Variants in ABRAXAS2 observed in about 807,000 individuals in gnomAD.
The protein encoded by ABRAXAS2 is abraxas 2, BRISC complex subunit, also known as BRISC complex subunit Abraxas 2.
In ABRAXAS2, 23 loss-of-function variants were observed where a neutral mutation model predicts 49.0. That is an observed-to-expected ratio of 0.47 (90% confidence interval 0.34 to 0.66). ABRAXAS2 has a LOEUF of 0.66. Ranked by LOEUF, ABRAXAS2 falls within the 30% of genes least tolerant of loss-of-function variation. The pLI, the probability that ABRAXAS2 is intolerant of heterozygous loss-of-function variation, is 0.01. For missense variants in ABRAXAS2, 443 were observed against 511.9 expected (o/e 0.87, Z 1.30); for synonymous variants, 168 against 180.2 (o/e 0.93, Z 0.54).
At chr10:124,829,499 T>C in intron 7 of ABRAXAS2, 22 bp downstream of exon 7, 1 of 1,479,750 alleles carries the variant, frequency 6.8e-7, no homozygotes, top group South Asian at 1.2e-5. Flanking sequence ...ATTTATTAGT[T>C]TTCATCTTAT....
At chr10:124,816,497 A>AC (rs1950826083) in intron 2 of ABRAXAS2, 79 bp from the exon 3 acceptor site, 1 of 1,069,352 alleles carries the variant, frequency 9.4e-7, no homozygotes, top group East Asian at 2.4e-5. Context: ...TTTGATTAAA[A>AC]AAAAAAGTCC....
chr10:124,806,321 A>G (rs1158320604), intron 1 of ABRAXAS2, among the ~76,000 whole-genome samples: 1 of 152,052 alleles, frequency 6.6e-6, no homozygotes, highest in Non-Finnish European at 1.5e-5. Flanking sequence ...AAAAAGAAAA[A>G]AAAAAAGACA....
chr10:124,830,266 G>A (rs535774347), intron 7 of ABRAXAS2, among the ~76,000 whole-genome samples: 1 of 152,236 alleles, frequency 6.6e-6, no homozygotes, highest in Non-Finnish European at 1.5e-5. Flanking sequence ...GCAACATAAT[G>A]AGACCCTATT....
At chr10:124,807,657 A>G (rs1950755768) in intron 2 of ABRAXAS2, among the ~76,000 whole-genome samples, 1 of 152,212 alleles carries the variant, frequency 6.6e-6, no homozygotes, top group African/African-American at 2.4e-5. Flanking sequence ...CTAATAAATG[A>G]TATGAAATGT....
chr10:124,813,889 C>T (rs1382035395), intron 2 of ABRAXAS2, among the ~76,000 whole-genome samples: 1 of 152,190 alleles, frequency 6.6e-6, no homozygotes, highest in Non-Finnish European at 1.5e-5. Context: ...ATGAGTTTTT[C>T]TTTTCCCTGA....
In ABRAXAS2 at chr10:124,819,399, A is replaced by G. The variant is rs1402926373; in HGVS notation, c.216A>G (p.Ala72=). 6.2e-7 allele frequency: 1 copy of G among 1,614,044 alleles called. No individual in the cohort carries two copies. The highest frequency in any genetic ancestry group is 8.5e-7 in the Non-Finnish European group (1 of 1,179,962). ...CSKLFSFYDY[A]SKVNEESLDR... is the part of the protein sequence containing the mutation. ...TCTTAAACAGTTTTTATGACTACGCAAGCAAAGTGAATGAGGAGAGTTTGG... is the reference window on the plus strand; with the variant it reads ...TCTTAAACAGTTTTTATGACTACGCGAGCAAAGTGAATGAGGAGAGTTTGG... The change falls in exon 4 of 9, where the codon GCA becomes GCG. Residue 72 remains alanine, a synonymous_variant. Transcript: ENST00000298492.
In ABRAXAS2 at chr10:124,811,452, G is replaced by T. The variant is rs993490546; in HGVS notation, c.163+4531G>T. 2.6e-5 allele frequency among the ~76,000 whole-genome samples: 4 copies of T among 151,994 alleles called. No homozygotes were observed. The East Asian group carries it at 5.9e-4, about 22-fold the overall frequency. Reference sequence around the variant, plus strand: ...TTTATTTTTAAAGAAATAGGGCCGGGCACGGTGGCTTAAGCCTGTAATCCC... The same window carrying T: ...TTTATTTTTAAAGAAATAGGGCCGGTCACGGTGGCTTAAGCCTGTAATCCC... On this transcript the variant is annotated intron_variant, in intron 2 of 8. Coordinates refer to ENST00000298492, the MANE Select transcript of ABRAXAS2 (RefSeq NM_032182.4).
At chr10:124,825,989 G>GT (rs1950893854) in intron 4 of ABRAXAS2, among the ~76,000 whole-genome samples, 2 of 152,164 alleles carry the variant, frequency 1.3e-5, no homozygotes, top group Admixed American at 6.6e-5. Flanking sequence ...ATTATGAGAA[G>GT]TATTCTTCCA....
At chr10:124,825,714 A>G (rs1950892259) in intron 4 of ABRAXAS2, among the ~76,000 whole-genome samples, 1 of 152,234 alleles carries the variant, frequency 6.6e-6, no homozygotes, top group African/African-American at 2.4e-5. Context: ...GTTGGTTTCA[A>G]AGAAGGAAGC....
chr10:124,824,534 C>CAAAAAAAAA (rs531680713), intron 4 of ABRAXAS2, among the ~76,000 whole-genome samples: 4 of 78,180 alleles, frequency 5.1e-5, no homozygotes, highest in African/African-American at 3.9e-5. Context: ...TCTCAAAAAC[C>CAAAAAAAAA]AAAAAAAAAA....
At chr10:124,804,703 T>G (rs890045219) in intron 1 of ABRAXAS2, among the ~76,000 whole-genome samples, 2 of 139,650 alleles carry the variant, frequency 1.4e-5, no homozygotes, top group African/African-American at 2.6e-5. Flanking sequence ...ATATATATAT[T>G]TCTTTTTTTC....
At chr10:124,828,088 G>A (rs1375376704) in intron 5 of ABRAXAS2, among the ~76,000 whole-genome samples, 1 of 152,206 alleles carries the variant, frequency 6.6e-6, no homozygotes, top group African/African-American at 2.4e-5. Flanking sequence ...TCTGTAGAAG[G>A]AGGTGCTCCG....
intron 4 of ABRAXAS2, among the ~76,000 whole-genome samples, chr10:124,820,935 T>TG (rs1052242735): frequency 1.7e-4 from 26 of 152,084 alleles, no homozygotes; most frequent in East Asian, 1.4e-3. Flanking sequence ...TATTTTGAGA[T>TG]GGGGGTCTCA....
chr10:124,809,131 CAAAAAAG>C (rs1429575109), intron 2 of ABRAXAS2, among the ~76,000 whole-genome samples: 4 of 149,358 alleles, frequency 2.7e-5, no homozygotes, highest in East Asian at 3.9e-4. Context: ...AACTCTGTCT[CAAAAAAG>C]AAAAAAGAAA....
At position 124,826,654 on chromosome 10, in the gene ABRAXAS2, G is replaced by A. The variant is rs1161155929; in HGVS notation, c.327G>A (p.Glu109=). 6.2e-7 allele frequency: 1 copy of A among 1,614,094 alleles called. No homozygotes were observed. Among genetic ancestry groups the A allele is most frequent in the African/African-American group, 1.3e-5 (1 of 74,930 alleles). ...CGCAGCAGCAGATGTCCTACAGAGA[G>A]CAGGTTCTTCACAAGCAGCTCACCC... The part of the protein sequence containing the change: ...RNTQQQMSYR[E]QVLHKQLTRI... Residue 109 remains glutamate, a synonymous_variant, in exon 5 of 9, where the codon GAG becomes GAA. Transcript: ENST00000298492.
intron 3 of ABRAXAS2, among the ~76,000 whole-genome samples, chr10:124,818,767 C>G (rs1950842288): frequency 6.6e-6 from 1 of 152,164 alleles, no homozygotes; most frequent in Non-Finnish European, 1.5e-5. Flanking sequence ...ATGTTGGTCT[C>G]TTTTGGAGGT....
chr10:124,809,941 C>T (rs989531950), intron 2 of ABRAXAS2, among the ~76,000 whole-genome samples: 2 of 151,694 alleles, frequency 1.3e-5, no homozygotes, highest in Admixed American at 1.3e-4. Context: ...TTAGTAGAGA[C>T]GGGGTTTCTC....
rs1950916585 is a variant in ABRAXAS2 at position 124,829,395 on chromosome 10, C to T, written c.581C>T (p.Thr194Ile). The T allele has an allele frequency of 3.7e-6, 6 of 1,606,090 alleles. No homozygotes were observed. Among genetic ancestry groups the T allele is most frequent in the Non-Finnish European group, 5.1e-6 (6 of 1,174,394 alleles). ...SYAKVIKEHG[T>I]DFFDKDGVMK... is the part of the protein sequence containing the mutation. ...TCTTTTTTCTGTTTGTCTTCCAGTACTGACTTTTTTGACAAGGATGGAGTG... is the reference window on the plus strand; with the variant it reads ...TCTTTTTTCTGTTTGTCTTCCAGTATTGACTTTTTTGACAAGGATGGAGTG... Residue 194 changes from threonine (T) to isoleucine (I), a missense_variant and splice_region_variant, in exon 7 of 9, where the codon ACT (threonine) becomes ATT (isoleucine). Thr to Ile is a moderately conservative substitution (Grantham distance 89, BLOSUM62 -1). Transcript: ENST00000298492.
intron 2 of ABRAXAS2, among the ~76,000 whole-genome samples, chr10:124,815,779 C>A (rs1950820471): frequency 6.6e-6 from 1 of 151,872 alleles, no homozygotes; most frequent in South Asian, 2.1e-4. Flanking sequence ...TAATAGACTT[C>A]CAGAGTTCCT....
Sources: gnomAD v4.1 joint callset for allele counts (sites outside exome capture counted in the v4.1 genomes callset) on GRCh38, gnomAD v4.1.1 for gene constraint, MANE v1.5 for transcripts, NCBI Gene and HGNC (gene_info 2026-07-23, HGNC 2026-07-21) for gene names.